The following TECTB variants were observed in gnomAD, a reference collection of about 807,000 sequenced individuals.
The protein encoded by TECTB is tectorin beta.
Under a neutral mutation model 43.3 loss-of-function variants are expected in TECTB, and 45 were observed. That is an observed-to-expected ratio of 1.04 (90% CI 0.82 to 1.33). The LOEUF (loss-of-function observed/expected upper bound fraction) is 1.33, where lower values mean the gene tolerates loss of function less well. TECTB is among the 40% of genes most tolerant of loss of function. The probability of loss-of-function intolerance (pLI) is 0.00; values close to 1 mark genes in which losing one functional copy is unlikely to be tolerated. For synonymous variants in TECTB, 169 were observed against 156.7 expected, an observed-to-expected ratio of 1.08 and a Z score of -0.59; for missense variants, 399 against 404.7, an observed-to-expected ratio of 0.99 and a Z score of 0.12.
intron 5 of TECTB, among the ~76,000 whole-genome samples, chr10:112,291,626 C>G (rs957685100): frequency 6.6e-6 from 1 of 152,360 alleles, no homozygotes; most frequent in African/African-American, 2.4e-5. Flanking sequence ...TGCAGTTCTG[C>G]AAATCTCCAG....
chr10:112,299,732 T>A (rs1848581565), intron 9 of TECTB, 168 bp downstream of exon 9: 1 of 656,970 alleles, frequency 1.5e-6, no homozygotes, highest in African/African-American at 1.8e-5. Context: ...GGGGAACAGC[T>A]CAAGCCAAAC....
chr10:112,300,295 GA>G (rs762285463), intron 9 of TECTB, among the ~76,000 whole-genome samples: 1 of 87,408 alleles, frequency 1.1e-5, no homozygotes, highest in African/African-American at 5.5e-5. Context: ...AAGAAAGAAA[GA>G]AAGAAAGAAA....
In TECTB at chr10:112,283,480, C is replaced by T. The variant is rs1848428987; in HGVS notation, c.-104C>T. The T allele has an allele frequency of 2.0e-6, 1 of 496,526 alleles. No homozygotes were observed. The highest frequency in any genetic ancestry group is 3.4e-5 in the East Asian group (1 of 29,436). The allele number at this position is 496,526 out of a possible 1,614,324, so 30.8% of individuals were successfully genotyped here. On this transcript the variant is annotated 5_prime_UTR_variant, in exon 1 of 11. Transcript: ENST00000646139. ...CGGGAACATGAACAACTCCATGTGT[C>T]ATTGACGCTTCCAACGGTATGAGCC...
intron 9 of TECTB, among the ~76,000 whole-genome samples, chr10:112,301,380 C>T (rs1163689144): frequency 6.8e-6 from 1 of 147,666 alleles, no homozygotes; most frequent in East Asian, 2.0e-4. Context: ...ACACTCTAGC[C>T]TGGGCAACAA....
Position 112,293,786 on chromosome 10 carries a change from T to C in TECTB, c.532T>C (p.Ser178Pro). Residue 178 changes from serine to proline, a missense_variant, in exon 6 of 11, where the codon TCC becomes CCC. By Grantham distance (74) the Ser-to-Pro change is moderately conservative. Transcript: ENST00000646139. Reference protein sequence around the residue: ...KKEAPFVLEASEIGSDLFAGV... With the variant: ...KKEAPFVLEAPEIGSDLFAGV... ...AGAAGCTCCCTTTGTCCTGGAGGCA[T>C]CCGAAATCGGTTCAGATCTGTTTGC... 2 of 1,614,162 alleles carry C rather than the reference T, an allele frequency of 1.2e-6. No individual in the cohort carries two copies. The highest frequency in any genetic ancestry group is 2.7e-5 in the African/African-American group (2 of 75,028).
intron 5 of TECTB, among the ~76,000 whole-genome samples, chr10:112,291,206 A>G (rs1371911116): frequency 6.8e-6 from 1 of 146,062 alleles, no homozygotes; most frequent in African/African-American, 2.6e-5. Flanking sequence ...CCCTGTGTCC[A>G]TATGTTCTCA....
intron 5 of TECTB, among the ~76,000 whole-genome samples, chr10:112,287,173 G>T (rs939827375): frequency 6.6e-6 from 1 of 152,128 alleles, no homozygotes; most frequent in South Asian, 2.1e-4. Flanking sequence ...GATTGGGGTC[G>T]GCCTCCACTG....
chr10:112,291,040 C>G (rs1394930041), intron 5 of TECTB, among the ~76,000 whole-genome samples: 1 of 152,028 alleles, frequency 6.6e-6, no homozygotes, highest in African/African-American at 2.4e-5. Flanking sequence ...GCAGGATGTG[C>G]AAGTTTGTTA....
Position 112,302,810 on chromosome 10 carries a change from C to T in TECTB, c.941-453C>T, listed in dbSNP as rs76437242. 4.8e-3 allele frequency: 848 copies of T among 175,712 alleles called. 9 individuals are homozygous for T. Among genetic ancestry groups the T allele is most frequent in the Non-Finnish European group, 5.3e-3 (441 of 83,398 alleles). 10.9% of individuals were successfully genotyped at this position (175,712 alleles called of 1,614,324 possible). A position where few individuals can be genotyped will look rare whatever the true frequency, so the allele number is the denominator to read the frequency against. ...GTGATTTAGAGAGCAGCCAGGGAAGCCCCTTAGAGGAAGAAACATTTCAGC... is the reference window on the plus strand; with the variant it reads ...GTGATTTAGAGAGCAGCCAGGGAAGTCCCTTAGAGGAAGAAACATTTCAGC... On this transcript the variant is annotated intron_variant, in intron 10 of 10. Coordinates refer to ENST00000646139, the MANE Select transcript of TECTB (RefSeq NM_058222.3).
chr10:112,300,216 C>CAGAAAGAA (rs1848587353), intron 9 of TECTB, among the ~76,000 whole-genome samples: 3 of 73,726 alleles, frequency 4.1e-5, no homozygotes, highest in Non-Finnish European at 5.6e-5. Flanking sequence ...GACAGACAGA[C>CAGAAAGAA]AGACAGAAAG....
rs1034899057 is a variant in TECTB at position 112,304,215 on chromosome 10, G to A, written c.*903G>A. ...AGATAAATGCCTTGTGACACTCAAT[G>A]CTATTTTTTCTCTATTTGCTCTACT... On this transcript the variant is annotated 3_prime_UTR_variant, in exon 11 of 11. Transcript: ENST00000646139. 1.3e-5 allele frequency: 2 copies of A among 152,160 alleles called. No individual in the cohort carries two copies. Among genetic ancestry groups the A allele is most frequent in the Non-Finnish European group, 2.9e-5 (2 of 68,028 alleles). 9.4% of individuals were successfully genotyped at this position (152,160 alleles called of 1,614,324 possible).
chr10:112,291,181 G>C (rs1419777050), intron 5 of TECTB, among the ~76,000 whole-genome samples: 1 of 151,484 alleles, frequency 6.6e-6, no homozygotes, highest in Admixed American at 6.6e-5. Context: ...AGGCCCCAGT[G>C]TGTGTTGTTC....
In TECTB at chr10:112,299,505, G is replaced by A. The variant is rs146232083; in HGVS notation, c.848G>A (p.Arg283Gln). The A allele has an allele frequency of 7.1e-5, 114 of 1,614,058 alleles. No individual in the cohort carries two copies. The highest frequency in any genetic ancestry group is 3.3e-4 in the Middle Eastern group (2 of 6,084). The change falls in exon 9 of 11, where the codon CGG (arginine) becomes CAG (glutamine). Residue 283 changes from arginine to glutamine, a missense_variant. Coordinates refer to ENST00000646139, the MANE Select transcript of TECTB (RefSeq NM_058222.3). ...CTGGGTCTTCAGACCTGCGATAAACGGAAGCGCCTCCTGCGAGACCAGACC... is the reference window on the plus strand; with the variant it reads ...CTGGGTCTTCAGACCTGCGATAAACAGAAGCGCCTCCTGCGAGACCAGACC... ...KLSCPVTCDK[R>Q]KRLLRDQTGG...
chr10:112,302,289 A>G (rs1249281404), intron 10 of TECTB, 156 bp downstream of exon 10: 2 of 804,004 alleles, frequency 2.5e-6, no homozygotes, highest in Admixed American at 2.8e-5. Flanking sequence ...GGGCGAGATC[A>G]AGAGGTCTCC....
chr10:112,283,719 C>G lies in TECTB; in HGVS notation c.-16C>G. On this transcript the variant is annotated 5_prime_UTR_variant, in exon 2 of 11. Coordinates refer to ENST00000646139, the MANE Select transcript of TECTB (RefSeq NM_058222.3). Reference sequence around the variant, plus strand: ...CTTGGTTTGGATACCTGGCAGAGACCAGGTTCTGAGAAGCAATGGTGACGA... The same window carrying G: ...CTTGGTTTGGATACCTGGCAGAGACGAGGTTCTGAGAAGCAATGGTGACGA... 1.2e-6 allele frequency: 2 copies of G among 1,613,400 alleles called. No homozygotes were observed.
At chr10:112,284,414 A>C (rs1848437618) in intron 2 of TECTB, 121 bp from the exon 3 acceptor site, 1 of 938,630 alleles carries the variant, frequency 1.1e-6, no homozygotes, top group South Asian at 3.1e-5. Context: ...GAGGAATAGC[A>C]GGGAAGGTGT....
chr10:112,290,430 G>A (rs17129699), intron 5 of TECTB, among the ~76,000 whole-genome samples: 23,617 of 152,192 alleles, frequency 0.16, 2,139 homozygotes, highest in East Asian at 0.33. Context: ...GCTGTTGGGT[G>A]AGAATATAGA....
intron 7 of TECTB, 69 bp downstream of exon 7, chr10:112,294,130 C>T: frequency 7.3e-7 from 1 of 1,375,596 alleles, no homozygotes; most frequent in African/African-American, 1.4e-5. Flanking sequence ...TTTGCTCTGG[C>T]TTGGGAAAGC....
chr10:112,286,073 C>G lies in TECTB; in HGVS notation c.270C>G (p.Tyr90Ter). The G allele has an allele frequency of 6.2e-7, 1 of 1,614,060 alleles. No homozygotes were observed. The highest frequency in any genetic ancestry group is 8.5e-7 in the Non-Finnish European group (1 of 1,179,958). The change falls in exon 4 of 11, where the codon TAC (tyrosine) becomes TAG (stop). Residue 90 changes from tyrosine (Y) to a stop codon, truncating the protein, a stop_gained and splice_region_variant. Transcript: ENST00000646139. LOFTEE classifies it high-confidence loss of function. ...GACTGTCTCCTTTCTTTGTCCAGTACAAGCCACCTATCTATCACTTCTACA... is the reference window on the plus strand; with the variant it reads ...GACTGTCTCCTTTCTTTGTCCAGTAGAAGCCACCTATCTATCACTTCTACA... ...NKSYCGTQSE[Y>*]KPPIYHFYSH...
Sources: gnomAD v4.1 joint callset for allele counts (sites outside exome capture counted in the v4.1 genomes callset) on GRCh38, gnomAD v4.1.1 for gene constraint, MANE v1.5 for transcripts, NCBI Gene and HGNC (gene_info 2026-07-23, HGNC 2026-07-21) for gene names.